The following CA10 variants were observed in gnomAD, a reference collection of about 807,000 sequenced individuals.
CA10 encodes carbonic anhydrase 10 (inactive), also known as carbonic anhydrase-related protein 10.
In CA10, 14 loss-of-function variants were observed where a neutral mutation model predicts 44.2. The ratio of observed to expected loss-of-function variants is 0.32; its 90% CI spans 0.21 to 0.50. The LOEUF is 0.50. CA10 is among the 20% of genes least tolerant of loss of function. The pLI is 0.99. For missense variants in CA10, 350 were observed against 409.7 expected, an observed-to-expected ratio of 0.85 and a Z score of 1.26; for synonymous variants, 159 against 141.6, an observed-to-expected ratio of 1.12 and a Z score of -0.87.
chr17:52,005,525 GGT>G (rs1985568314), intron 2 of CA10, among the ~76,000 whole-genome samples: 1 of 151,748 alleles, frequency 6.6e-6, no homozygotes, highest in Non-Finnish European at 1.5e-5. Flanking sequence ...GACTCTTTAG[GGT>G]ACTTTGTCAA....
intron 2 of CA10, among the ~76,000 whole-genome samples, chr17:52,029,148 T>C (rs1031950650): frequency 5.3e-5 from 8 of 152,150 alleles, no homozygotes; most frequent in Non-Finnish European, 1.2e-4. Flanking sequence ...ATTGAGCCCA[T>C]TTATGTTTAT....
chr17:52,008,774 T>C (rs1361891273), intron 2 of CA10, among the ~76,000 whole-genome samples: 2 of 151,910 alleles, frequency 1.3e-5, no homozygotes, highest in African/African-American at 4.8e-5. Flanking sequence ...GGGCTTCCTA[T>C]CCAAGCTTAT....
intron 3 of CA10, among the ~76,000 whole-genome samples, chr17:51,831,667 A>ACAGCAGCAGCAGCAGCAGCAGCAGC (rs1413563405): frequency 1.6e-4 from 21 of 127,488 alleles, no homozygotes; most frequent in Non-Finnish European, 3.1e-4. Flanking sequence ...AGAAAAGAAA[A>ACAGCAGCAGCAGCAGCAGCAGCAGC]AGCAGCAGCA....
chr17:52,157,530 C>CCA (rs928404406), intron 1 of CA10, among the ~76,000 whole-genome samples, 196 bp downstream of exon 1: 2 of 82,976 alleles, frequency 2.4e-5, no homozygotes, highest in African/African-American at 5.7e-5. Context: ...ATCCTAACCA[C>CCA]CCCCCCCCGC....
chr17:52,091,884 C>T (rs555399642), intron 1 of CA10, among the ~76,000 whole-genome samples: 1 of 152,278 alleles, frequency 6.6e-6, no homozygotes, highest in East Asian at 1.9e-4. Context: ...GAAAGACCTG[C>T]TTTCTGCATA....
At chr17:51,634,467 C>G (rs998737847) in intron 7 of CA10, among the ~76,000 whole-genome samples, 1 of 152,158 alleles carries the variant, frequency 6.6e-6, no homozygotes, top group African/African-American at 2.4e-5. Context: ...TTGCTCATCT[C>G]TCCTTTAATT....
chr17:51,870,485 G>A (rs959108380), intron 3 of CA10, among the ~76,000 whole-genome samples: 1 of 152,196 alleles, frequency 6.6e-6, no homozygotes, highest in African/African-American at 2.4e-5. Flanking sequence ...TGCATGCAAA[G>A]AGAATGGATG....
chr17:51,955,690 T>C (rs1983639466), intron 2 of CA10, among the ~76,000 whole-genome samples: 1 of 152,146 alleles, frequency 6.6e-6, no homozygotes, highest in African/African-American at 2.4e-5. Flanking sequence ...CTGGTTCTTT[T>C]GATTAGACCT....
chr17:51,639,748 T>C (rs1428744271), intron 6 of CA10, among the ~76,000 whole-genome samples: 1 of 152,214 alleles, frequency 6.6e-6, no homozygotes, highest in Non-Finnish European at 1.5e-5. Flanking sequence ...AGACCCAGAG[T>C]GGAGAGTGTG....
intron 6 of CA10, among the ~76,000 whole-genome samples, chr17:51,645,776 G>C (rs1462574268): frequency 1.3e-5 from 2 of 152,204 alleles, no homozygotes; most frequent in African/African-American, 4.8e-5. Context: ...CCTGTATTTG[G>C]ATACTTGCTC....
intron 2 of CA10, among the ~76,000 whole-genome samples, chr17:52,025,026 C>T (rs1986256957): frequency 6.6e-6 from 1 of 151,950 alleles, no homozygotes; most frequent in Non-Finnish European, 1.5e-5. Flanking sequence ...TTTACCTTGA[C>T]CTTAATATAC....
At chr17:52,110,831 C>T (rs534568700) in intron 1 of CA10, among the ~76,000 whole-genome samples, 1 of 152,290 alleles carries the variant, frequency 6.6e-6, no homozygotes, top group Admixed American at 6.5e-5. Flanking sequence ...CATGGCCAAG[C>T]AGCTCCCATG....
chr17:51,901,107 T>A (rs1307375403), intron 3 of CA10, among the ~76,000 whole-genome samples: 1 of 152,114 alleles, frequency 6.6e-6, no homozygotes, highest in Non-Finnish European at 1.5e-5. Flanking sequence ...TTTGCCAGAG[T>A]TCTTATCCTG....
intron 4 of CA10, among the ~76,000 whole-genome samples, chr17:51,734,795 A>G (rs928099888): frequency 8.5e-5 from 13 of 152,182 alleles, no homozygotes; most frequent in African/African-American, 2.9e-4. Flanking sequence ...TCCATTCATC[A>G]GAATATCTGA....
chr17:51,826,318 G>A (rs1270749282), intron 3 of CA10, among the ~76,000 whole-genome samples: 1 of 152,212 alleles, frequency 6.6e-6, no homozygotes, highest in Non-Finnish European at 1.5e-5. Context: ...AATTGCACCA[G>A]GTTGGTTCCG....
chr17:51,807,212 C>T (rs1405442656), intron 3 of CA10, among the ~76,000 whole-genome samples: 1 of 152,140 alleles, frequency 6.6e-6, no homozygotes, highest in African/African-American at 2.4e-5. Context: ...GTGAACGCTT[C>T]TGAAGCATGG....
chr17:51,829,502 T>C (rs1908150213), intron 3 of CA10, among the ~76,000 whole-genome samples: 1 of 152,170 alleles, frequency 6.6e-6, no homozygotes, highest in South Asian at 2.1e-4. Flanking sequence ...AAAAGCTTCA[T>C]GCTAATACTT....
At chr17:51,961,018 C>G (rs999343892) in intron 2 of CA10, among the ~76,000 whole-genome samples, 6 of 152,164 alleles carry the variant, frequency 3.9e-5, no homozygotes, top group African/African-American at 7.2e-5. Flanking sequence ...TGAGGCTTCC[C>G]TGAAGCAGAA....
chr17:51,931,208 A>T (rs1239132225), intron 2 of CA10, 76 bp from the exon 3 acceptor site: 2 of 1,413,242 alleles, frequency 1.4e-6, no homozygotes, highest in Non-Finnish European at 2.0e-6. Flanking sequence ...AGAGCTATGT[A>T]CAAACGTGGT....
Sources: gnomAD v4.1 joint callset for allele counts (sites outside exome capture counted in the v4.1 genomes callset) on GRCh38, gnomAD v4.1.1 for gene constraint, MANE v1.5 for transcripts, NCBI Gene and HGNC (gene_info 2026-07-23, HGNC 2026-07-21) for gene names.